Variants in HECW1 observed in about 807,000 individuals in gnomAD.
HECW1 encodes the protein E3 ubiquitin-protein ligase HECW1.
Under a neutral mutation model 182.3 loss-of-function variants are expected in HECW1, and 61 were observed. The ratio of observed to expected loss-of-function variants is 0.33; its 90% CI spans 0.27 to 0.41. The LOEUF (loss-of-function observed/expected upper bound fraction) is 0.41, where lower values mean the gene tolerates loss of function less well. Ranked by LOEUF, HECW1 falls within the 10% of genes least tolerant of loss-of-function variation. HECW1 has a pLI of 1.00. For synonymous variants in HECW1, 859 were observed against 832.6 expected, an observed-to-expected ratio of 1.03 and a Z score of -0.55; for missense variants, 1,739 against 2,108.9, an observed-to-expected ratio of 0.82 and a Z score of 3.44.
chr7:43,299,344 T>C (rs149498793), intron 3 of HECW1, among the ~76,000 whole-genome samples: 1,623 of 152,286 alleles, frequency 0.011, 30 homozygotes, highest in African/African-American at 0.036. Flanking sequence ...ATTTGGTGCA[T>C]CTTTGGTGTA....
Position 43,243,967 on chromosome 7 carries a change from A to G in HECW1, c.27+35A>G, listed in dbSNP as rs933914398. On this transcript the variant is annotated intron_variant, in intron 3 of 29. Coordinates refer to ENST00000395891, the MANE Select transcript of HECW1 (RefSeq NM_015052.5). This position sits in a 1 kb window ranked among gnomAD's most constrained non-coding sequence, Gnocchi z 4.0. ...CTTTTCTGATTATAAGAAACCATCCATGTCATTCCATTATAAACCCACTCC... is the reference window on the plus strand; with the variant it reads ...CTTTTCTGATTATAAGAAACCATCCGTGTCATTCCATTATAAACCCACTCC... 2 of 1,522,884 alleles carry G rather than the reference A, an allele frequency of 1.3e-6. No individual in the cohort carries two copies. The highest frequency in any genetic ancestry group is 2.2e-5 in the South Asian group (2 of 89,150). The allele number at this position is 1,522,884 out of a possible 1,614,324, so 94.3% of individuals were successfully genotyped here.
intron 2 of HECW1, chr7:43,118,145 A>G (rs1323191125): frequency 6.6e-6 from 1 of 152,474 alleles, no homozygotes; most frequent in East Asian, 1.9e-4. Flanking sequence ...TCCCTTTTAT[A>G]TATTTAGTGA....
intron 5 of HECW1, among the ~76,000 whole-genome samples, chr7:43,332,352 G>A (rs1314176185): frequency 1.3e-5 from 2 of 152,160 alleles, no homozygotes; most frequent in Non-Finnish European, 2.9e-5. Context: ...ACCCAAGGAA[G>A]GGACTGTTAA....
chr7:43,343,141 A>G (rs1813225267), intron 5 of HECW1, among the ~76,000 whole-genome samples: 1 of 151,706 alleles, frequency 6.6e-6, no homozygotes, highest in African/African-American at 2.4e-5. Flanking sequence ...CTCTGATTAT[A>G]CTCTGGTTCA....
At chr7:43,435,731 A>T (rs1291088130) in intron 8 of HECW1, among the ~76,000 whole-genome samples, 1 of 152,208 alleles carries the variant, frequency 6.6e-6, no homozygotes, top group Non-Finnish European at 1.5e-5. Context: ...GTGAGCAAGA[A>T]ATACAACTTG....
chr7:43,378,111 G>T (rs1378801254), intron 6 of HECW1, among the ~76,000 whole-genome samples: 1 of 152,118 alleles, frequency 6.6e-6, no homozygotes, highest in Non-Finnish European at 1.5e-5. Context: ...GTATATATGT[G>T]TGTTACACTT....
intron 2 of HECW1, among the ~76,000 whole-genome samples, chr7:43,142,494 C>T (rs968550240): frequency 1.3e-5 from 2 of 152,116 alleles, no homozygotes; most frequent in Non-Finnish European, 2.9e-5. Flanking sequence ...GCTGTGCCCA[C>T]CAGTCCTGGC....
At chr7:43,538,943 A>G (rs1282186647) in intron 24 of HECW1, among the ~76,000 whole-genome samples, 2 of 152,206 alleles carry the variant, frequency 1.3e-5, no homozygotes, top group South Asian at 2.1e-4. Context: ...TTAAGGAAGC[A>G]TTGTTCTATT....
rs1384593871 is a variant in HECW1, at chr7:43,550,578, G to A, written c.4382G>A (p.Arg1461His). 8.7e-6 allele frequency: 14 copies of A among 1,604,522 alleles called. No homozygotes were observed. Among genetic ancestry groups the A allele is most frequent in the Non-Finnish European group, 1.1e-5 (13 of 1,175,792 alleles). Residue 1461 changes from arginine (R) to histidine (H), a missense_variant, in exon 27 of 30, where the codon CGC becomes CAC. This residue lies in a region of HECW1 where 420 missense variants were observed against 595.7 expected (regional missense o/e 0.71). Transcript: ENST00000395891. The part of the protein sequence containing the change: ...GVVQQTEALV[R>H]GFYEVVDSRL... Reference sequence around the variant, plus strand: ...GTACAGCAGACCGAGGCGCTGGTGCGCGGCTTCTACGAGGTGAGGCCCGGT... The same window carrying A: ...GTACAGCAGACCGAGGCGCTGGTGCACGGCTTCTACGAGGTGAGGCCCGGT...
intron 16 of HECW1, among the ~76,000 whole-genome samples, chr7:43,478,515 C>A (rs2078301304): frequency 6.6e-6 from 1 of 152,002 alleles, no homozygotes; most frequent in Non-Finnish European, 1.5e-5. Context: ...TGTTATACTT[C>A]CATCAAACAA....
rs117614086 is a variant in HECW1, at chr7:43,435,441, T to C, written c.802-2562T>C. ...GAATGATTAGTTCTTAGGAGTTATA[T>C]AGGAGTTAACTAAAACTGATTTATA... On this transcript the variant is annotated intron_variant, in intron 8 of 29. Transcript: ENST00000395891. Among the ~76,000 whole-genome samples, 624 of 152,320 alleles carry C rather than the reference T, an allele frequency of 4.1e-3. 3 individuals are homozygous for C. Among genetic ancestry groups the C allele is most frequent in the Non-Finnish European group, 6.9e-3 (467 of 68,036 alleles).
At chr7:43,340,049 G>T (rs1268522858) in intron 5 of HECW1, among the ~76,000 whole-genome samples, 1 of 151,894 alleles carries the variant, frequency 6.6e-6, no homozygotes, top group Non-Finnish European at 1.5e-5. Flanking sequence ...GGGGGTACAG[G>T]TTACCAGAAA....
chr7:43,256,971 AG>A (rs1175194494), intron 3 of HECW1, among the ~76,000 whole-genome samples: 1 of 152,248 alleles, frequency 6.6e-6, no homozygotes, highest in African/African-American at 2.4e-5. Context: ...TACAGAAATC[AG>A]GAAACAAAAA....
intron 3 of HECW1, among the ~76,000 whole-genome samples, chr7:43,287,948 C>T (rs1804872607): frequency 1.3e-5 from 2 of 152,156 alleles, no homozygotes; most frequent in Non-Finnish European, 2.9e-5. Flanking sequence ...TGGGGAAGAG[C>T]ACATTTAAGG....
At position 43,562,556 on chromosome 7, in the gene HECW1, A is replaced by G. The variant is rs757698503; in HGVS notation, c.*630A>G. ...ACTAGCCTAGACATACGGTGCAAAT[A>G]TGACACTTCTAACGATTAACAACAG... On this transcript the variant is annotated 3_prime_UTR_variant, in exon 30 of 30. Coordinates refer to ENST00000395891, the MANE Select transcript of HECW1 (RefSeq NM_015052.5). The G allele has an allele frequency of 2.2e-5, 5 of 227,898 alleles. No individual in the cohort carries two copies. The highest frequency in any genetic ancestry group is 4.4e-5 in the Non-Finnish European group (5 of 114,498). 14.1% of individuals were successfully genotyped at this position (227,898 alleles called of 1,614,324 possible).
intron 3 of HECW1, among the ~76,000 whole-genome samples, chr7:43,295,317 C>CT (rs1562795551): frequency 6.6e-6 from 1 of 151,972 alleles, no homozygotes; most frequent in African/African-American, 2.4e-5. Flanking sequence ...GGGTATATGG[C>CT]TTTTTTATCT....
intron 6 of HECW1, among the ~76,000 whole-genome samples, chr7:43,371,099 G>A (rs982985125): frequency 5.9e-5 from 9 of 152,060 alleles, no homozygotes; most frequent in Non-Finnish European, 1.0e-4. Flanking sequence ...ATGTTAGCCA[G>A]GATGGTCTCG....
intron 24 of HECW1, among the ~76,000 whole-genome samples, chr7:43,540,279 C>T (rs1014805918): frequency 6.6e-6 from 1 of 152,016 alleles, no homozygotes; most frequent in African/African-American, 2.4e-5. Flanking sequence ...ACTAAATCCC[C>T]GATAAGGTGA....
At chr7:43,335,034 A>C (rs1308602615) in intron 5 of HECW1, among the ~76,000 whole-genome samples, 1 of 152,226 alleles carries the variant, frequency 6.6e-6, no homozygotes, top group Non-Finnish European at 1.5e-5. Context: ...AAACCTGCCT[A>C]ACCCTTCAAC....
Sources: gnomAD v4.1 joint callset for allele counts (sites outside exome capture counted in the v4.1 genomes callset) on GRCh38, gnomAD v4.1.1 for gene constraint, gnomAD v4.1.1 regional missense constraint, Gnocchi (gnomAD v3.1) non-coding constraint, MANE v1.5 for transcripts, NCBI Gene and HGNC (gene_info 2026-07-23, HGNC 2026-07-21) for gene names.